METTL15: variants seen among roughly 807,000 people sequenced by gnomAD.
METTL15 encodes 12S rRNA N(4)-cytidine methyltransferase METTL15.
METTL15 carries 34 observed loss-of-function variants against 38.3 expected under a neutral mutation model. The ratio of observed to expected loss-of-function variants is 0.89; its 90% CI spans 0.68 to 1.18. The LOEUF (loss-of-function observed/expected upper bound fraction) is 1.18. Ranked by LOEUF, METTL15 falls within the 50% of genes most tolerant of loss-of-function variation. The pLI, the probability that METTL15 is intolerant of heterozygous loss-of-function variation, is 0.00. For missense variants in METTL15, 438 were observed against 498.4 expected, an observed-to-expected ratio of 0.88 and a Z score of 1.15; for synonymous variants, 162 against 170.9, an observed-to-expected ratio of 0.95 and a Z score of 0.41.
intron 5 of METTL15, among the ~76,000 whole-genome samples, chr11:28,423,326 C>A (rs1850837382): frequency 6.6e-6 from 1 of 151,862 alleles, no homozygotes; most frequent in Non-Finnish European, 1.5e-5. Flanking sequence ...TCATGTGATC[C>A]ATCAATCCCA....
chr11:28,254,150 C>T (rs747919434), intron 4 of METTL15, among the ~76,000 whole-genome samples: 1 of 152,004 alleles, frequency 6.6e-6, no homozygotes, highest in Non-Finnish European at 1.5e-5. Context: ...TTGTTATTAC[C>T]TGTCTTTGGA....
At chr11:28,255,219 A>G (rs901959067) in intron 4 of METTL15, among the ~76,000 whole-genome samples, 4 of 152,066 alleles carry the variant, frequency 2.6e-5, no homozygotes, top group African/African-American at 7.2e-5. Context: ...AATTTTATTT[A>G]TAGCTGTTAT....
intron 4 of METTL15, among the ~76,000 whole-genome samples, chr11:28,222,372 C>G (rs1312925759): frequency 6.6e-6 from 1 of 152,180 alleles, no homozygotes; most frequent in East Asian, 1.9e-4. Context: ...ATATAATCTC[C>G]TGGTGTGCTG....
chr11:28,331,564 A>T lies in METTL15; in HGVS notation c.*723A>T, dbSNP rs1267812309. 6 of 151,792 alleles carry T rather than the reference A, an allele frequency of 4.0e-5. No homozygotes were observed. Among genetic ancestry groups the T allele is most frequent in the Non-Finnish European group, 7.4e-5 (5 of 67,888 alleles). The allele number at this position is 151,792 out of a possible 1,614,324, so 9.4% of individuals were successfully genotyped here. On this transcript the variant is annotated 3_prime_UTR_variant, in exon 7 of 7. Coordinates refer to ENST00000407364, the MANE Select transcript of METTL15 (RefSeq NM_001113528.2). ...CTCACAATGCCTTTAGTAAGTAATA[A>T]AGTCTCTTATTAGAATCTTGTATTT...
chr11:28,433,128 C>G (rs1850949460), intron 6 of METTL15, among the ~76,000 whole-genome samples: 1 of 151,250 alleles, frequency 6.6e-6, no homozygotes, highest in Non-Finnish European at 1.5e-5. Context: ...GTTTCCTTGC[C>G]TTCGCCTTGC....
intron 4 of METTL15, among the ~76,000 whole-genome samples, chr11:28,215,255 C>T (rs904627643): frequency 2.0e-5 from 3 of 152,074 alleles, no homozygotes; most frequent in Non-Finnish European, 4.4e-5. Context: ...TTCTATTACA[C>T]AGAAAGAAGT....
intron 3 of METTL15, among the ~76,000 whole-genome samples, chr11:28,143,657 A>T (rs1234396307): frequency 6.6e-6 from 1 of 152,188 alleles, no homozygotes; most frequent in African/African-American, 2.4e-5. Flanking sequence ...TGTTCCTTTG[A>T]TGCCTTAGGA....
At chr11:28,131,794 A>G (rs2133634541) in intron 3 of METTL15, among the ~76,000 whole-genome samples, 1 of 152,292 alleles carries the variant, frequency 6.6e-6, no homozygotes, top group South Asian at 2.1e-4. Flanking sequence ...ATCGTCTCAT[A>G]TGCAGCAGAT....
At chr11:28,242,678 A>C (rs1854349600) in intron 4 of METTL15, among the ~76,000 whole-genome samples, 1 of 152,152 alleles carries the variant, frequency 6.6e-6, no homozygotes, top group Non-Finnish European at 1.5e-5. Context: ...TTAATTTTAA[A>C]TGATAACAAC....
intron 4 of METTL15, among the ~76,000 whole-genome samples, chr11:28,245,293 G>C (rs1045271541): frequency 3.5e-4 from 53 of 152,192 alleles, no homozygotes; most frequent in African/African-American, 1.2e-3. Context: ...CTTAAAAACT[G>C]TGCACCAGGA....
At chr11:28,246,379 A>G (rs943242764) in intron 4 of METTL15, among the ~76,000 whole-genome samples, 55 of 152,248 alleles carry the variant, frequency 3.6e-4, no homozygotes, top group African/African-American at 1.2e-3. Flanking sequence ...TTGTTAAGAC[A>G]TATGTACTTA....
intron 6 of METTL15, among the ~76,000 whole-genome samples, chr11:28,326,695 A>C (rs893628956): frequency 1.4e-4 from 22 of 152,128 alleles, no homozygotes; most frequent in African/African-American, 5.3e-4. Context: ...CTCCTGCCTC[A>C]GCCTCTGGAG....
intron 5 of METTL15, among the ~76,000 whole-genome samples, chr11:28,384,052 CAT>C (rs1163112798): frequency 1.3e-5 from 2 of 152,032 alleles, no homozygotes; most frequent in African/African-American, 4.8e-5. Flanking sequence ...TAAGTGAGAA[CAT>C]GTGTTATTTA....
chr11:28,499,420 A>G (rs879530287), intron 6 of METTL15, among the ~76,000 whole-genome samples: 2 of 152,324 alleles, frequency 1.3e-5, no homozygotes, highest in East Asian at 3.9e-4. Context: ...TTCTAACCTA[A>G]ATAAATATAT....
intron 3 of METTL15, among the ~76,000 whole-genome samples, chr11:28,154,418 A>G (rs1850195314): frequency 6.6e-6 from 1 of 151,984 alleles, no homozygotes; most frequent in African/African-American, 2.4e-5. Context: ...AAGTCACTTT[A>G]TATCTTTGGG....
At chr11:28,462,404 G>A (rs191816439) in intron 6 of METTL15, among the ~76,000 whole-genome samples, 129 of 151,284 alleles carry the variant, frequency 8.5e-4, no homozygotes, top group Middle Eastern at 3.4e-3. Context: ...GAATTCTCTG[G>A]TTACAAGCAA....
At chr11:28,237,749 C>T (rs1373886411) in intron 4 of METTL15, among the ~76,000 whole-genome samples, 1 of 152,074 alleles carries the variant, frequency 6.6e-6, no homozygotes, top group Non-Finnish European at 1.5e-5. Context: ...TACTTTTGGT[C>T]TTTGATGATG....
chr11:28,386,339 T>A (rs2133388948), intron 5 of METTL15, among the ~76,000 whole-genome samples: 1 of 152,058 alleles, frequency 6.6e-6, no homozygotes, highest in East Asian at 1.9e-4. Flanking sequence ...CTATAAGCTG[T>A]CTACAAGAGA....
At chr11:28,432,994 C>T (rs1850946299) in intron 6 of METTL15, among the ~76,000 whole-genome samples, 3 of 149,066 alleles carry the variant, frequency 2.0e-5, no homozygotes, top group Admixed American at 1.3e-4. Flanking sequence ...AAACTATTTT[C>T]CTTTATATCA....
Sources: allele counts gnomAD v4.1 joint callset (sites outside exome capture counted in the v4.1 genomes callset), GRCh38; gene constraint gnomAD v4.1.1; transcripts MANE v1.5; gene names NCBI Gene and HGNC (gene_info 2026-07-23, HGNC 2026-07-21).